NALF1: variants seen among roughly 807,000 people sequenced by gnomAD.
NALF1 encodes the protein family with sequence similarity 155 member A.
In NALF1, 3 loss-of-function variants were observed where a neutral mutation model predicts 48.4. That is an observed-to-expected ratio of 0.06 (90% CI 0.03 to 0.16). NALF1 has a LOEUF of 0.16. Ranked by LOEUF, NALF1 falls within the 10% of genes least tolerant of loss-of-function variation. NALF1 has a pLI of 1.00. For missense variants in NALF1, 526 were observed against 571.5 expected (o/e 0.92, Z 0.81); for synonymous variants, 262 against 245.7 (o/e 1.07, Z -0.62).
chr13:107,213,136 T>A (rs1165221397), intron 1 of NALF1, among the ~76,000 whole-genome samples: 1 of 149,172 alleles, frequency 6.7e-6, no homozygotes, highest in Non-Finnish European at 1.5e-5. Flanking sequence ...GCAACCACTT[T>A]CCTCAGCATT....
At chr13:107,582,113 A>C (rs1878328899) in intron 1 of NALF1, among the ~76,000 whole-genome samples, 1 of 147,238 alleles carries the variant, frequency 6.8e-6, no homozygotes, top group South Asian at 2.1e-4. Context: ...ACTATATATA[A>C]AATTTCAAAA....
chr13:107,597,765 T>C (rs957647175), intron 1 of NALF1, among the ~76,000 whole-genome samples: 1 of 152,164 alleles, frequency 6.6e-6, no homozygotes, highest in African/African-American at 2.4e-5. Context: ...ATTGTAAGAA[T>C]ACATAATTAT....
intron 1 of NALF1, among the ~76,000 whole-genome samples, chr13:107,557,849 C>A (rs560737558): frequency 2.6e-5 from 4 of 152,238 alleles, no homozygotes; most frequent in East Asian, 3.9e-4. Flanking sequence ...AGAGGCTCTA[C>A]ATCGACTCTA....
intron 1 of NALF1, among the ~76,000 whole-genome samples, chr13:107,479,581 A>T (rs1052563612): frequency 1.3e-5 from 2 of 152,128 alleles, no homozygotes; most frequent in South Asian, 2.1e-4. Context: ...ATGGTTAAAC[A>T]GTTAATTTCT....
At chr13:107,860,112 T>C (rs1333731783) in intron 1 of NALF1, among the ~76,000 whole-genome samples, 1 of 152,066 alleles carries the variant, frequency 6.6e-6, no homozygotes, top group Non-Finnish European at 1.5e-5. Flanking sequence ...AGAAAATCCA[T>C]AGTTGCCTGA....
chr13:107,253,856 T>C (rs1285602915), intron 1 of NALF1, among the ~76,000 whole-genome samples: 1 of 152,080 alleles, frequency 6.6e-6, no homozygotes. Context: ...GGGCCTTTCC[T>C]CTCAACACCT....
At chr13:107,781,855 T>A (rs1316749640) in intron 1 of NALF1, among the ~76,000 whole-genome samples, 1 of 152,198 alleles carries the variant, frequency 6.6e-6, no homozygotes, top group Non-Finnish European at 1.5e-5. Context: ...TTATTAATTA[T>A]CAAACCCACA....
rs994387764 is a variant in NALF1 at position 107,163,923 on chromosome 13, C to A, written c.*6574G>T. ...GAAGAAAAAGAAAGCAAGAGGTTTT[C>A]TTTTAACGTCCATATAGAGCTTTAA... On this transcript the variant is annotated 3_prime_UTR_variant, in exon 3 of 3. Transcript: ENST00000375915. 5.9e-5 allele frequency: 9 copies of A among 152,150 alleles called. No homozygotes were observed. The highest frequency in any genetic ancestry group is 1.9e-4 in the African/African-American group (8 of 41,450). The allele number at this position is 152,150 out of a possible 1,614,324, so 9.4% of individuals were successfully genotyped here. A position where few individuals can be genotyped will look rare whatever the true frequency, so the allele number is the denominator to read the frequency against.
chr13:107,500,448 G>A (rs1875482403), intron 1 of NALF1, among the ~76,000 whole-genome samples: 1 of 151,664 alleles, frequency 6.6e-6, no homozygotes, highest in Non-Finnish European at 1.5e-5. Flanking sequence ...AAAAAGTCAG[G>A]AAATAACAGG....
chr13:107,497,336 A>G (rs1262752089), intron 1 of NALF1, among the ~76,000 whole-genome samples: 2 of 152,206 alleles, frequency 1.3e-5, no homozygotes, highest in African/African-American at 2.4e-5. Context: ...TGTAACAGAA[A>G]AGTCATATAG....
intron 1 of NALF1, among the ~76,000 whole-genome samples, chr13:107,296,400 A>G: frequency 6.6e-6 from 1 of 152,222 alleles, no homozygotes. Flanking sequence ...TTTTTAAAGA[A>G]TATCTACTGA....
chr13:107,358,071 C>CAT (rs750679314), intron 1 of NALF1, among the ~76,000 whole-genome samples: 2 of 151,868 alleles, frequency 1.3e-5, no homozygotes, highest in African/African-American at 2.4e-5. Context: ...TTTATATACG[C>CAT]ATATATATAT....
intron 1 of NALF1, among the ~76,000 whole-genome samples, chr13:107,741,213 T>C (rs913739772): frequency 6.6e-6 from 1 of 152,228 alleles, no homozygotes; most frequent in African/African-American, 2.4e-5. Context: ...CTGGTGCTAA[T>C]TGGATTCTGG....
rs1260699315 is a variant in NALF1 at position 107,866,208 on chromosome 13, G to A, written c.389C>T (p.Thr130Ile). ...HRLLSASSSP[T>I]LPPSPGDGGG... ...GCCGTCTCCCGGGGAGGGGGGCAGG[G>A]TGGGGGACGAGGAGGCGGAGAGGAG... Residue 130 changes from threonine to isoleucine, a missense_variant, in exon 1 of 3, where the codon ACC becomes ATC. Physicochemically the swap from Thr to Ile is moderately conservative, Grantham distance 89. This residue lies in a region of NALF1 where 373 missense variants were observed against 355.5 expected (regional missense o/e 1.05). Transcript: ENST00000375915. The surrounding 1 kb of genome is among the most constrained non-coding windows in gnomAD (Gnocchi z 4.4). The A allele has an allele frequency of 6.2e-7, 1 of 1,600,372 alleles. No individual in the cohort carries two copies. Among genetic ancestry groups the A allele is most frequent in the South Asian group, 1.1e-5 (1 of 89,368 alleles).
At chr13:107,780,261 C>T (rs1161487980) in intron 1 of NALF1, among the ~76,000 whole-genome samples, 2 of 151,884 alleles carry the variant, frequency 1.3e-5, no homozygotes, top group East Asian at 1.9e-4. Context: ...TCTTAATTTC[C>T]GTATTTCAGC....
At chr13:107,381,932 T>C (rs530771148) in intron 1 of NALF1, among the ~76,000 whole-genome samples, 1 of 152,302 alleles carries the variant, frequency 6.6e-6, no homozygotes, top group South Asian at 2.1e-4. Context: ...CCAAGCACTT[T>C]TCTCTGGGGA....
intron 1 of NALF1, among the ~76,000 whole-genome samples, chr13:107,263,482 T>C (rs1358357877): frequency 6.6e-6 from 1 of 152,206 alleles, no homozygotes; most frequent in Non-Finnish European, 1.5e-5. Flanking sequence ...TCTTGAATTG[T>C]AGCTCCCCTA....
intron 1 of NALF1, among the ~76,000 whole-genome samples, chr13:107,811,441 T>A (rs1451269878): frequency 6.6e-6 from 1 of 152,220 alleles, no homozygotes; most frequent in Non-Finnish European, 1.5e-5. Flanking sequence ...TAATCTCTGT[T>A]ACAGTTCTAT....
At chr13:107,701,085 A>T (rs1168236721) in intron 1 of NALF1, among the ~76,000 whole-genome samples, 1 of 152,134 alleles carries the variant, frequency 6.6e-6, no homozygotes, top group African/African-American at 2.4e-5. Flanking sequence ...AGCTTCCTAA[A>T]TAAAAGAAAA....
Sources: gnomAD v4.1 joint callset for allele counts (sites outside exome capture counted in the v4.1 genomes callset) on GRCh38, gnomAD v4.1.1 for gene constraint, gnomAD v4.1.1 regional missense constraint, Gnocchi (gnomAD v3.1) non-coding constraint, MANE v1.5 for transcripts, NCBI Gene and HGNC (gene_info 2026-07-23, HGNC 2026-07-21) for gene names.